Variants in DAB1 observed in about 807,000 individuals in gnomAD.
DAB1 encodes DAB adaptor protein 1.
In DAB1, 15 loss-of-function variants were observed where a neutral mutation model predicts 64.6. The observed-to-expected ratio is 0.23, with a 90% CI of 0.16 to 0.36. The LOEUF (loss-of-function observed/expected upper bound fraction) is 0.36. Ranked by LOEUF, DAB1 falls within the 10% of genes least tolerant of loss-of-function variation. The probability of loss-of-function intolerance (pLI) is 1.00; values close to 1 mark genes in which losing one functional copy is unlikely to be tolerated. For synonymous variants in DAB1, 235 were observed against 251.9 expected, an observed-to-expected ratio of 0.93 and a Z score of 0.64; for missense variants, 596 against 706.7, an observed-to-expected ratio of 0.84 and a Z score of 1.78.
upstream of DAB1, among the ~76,000 whole-genome samples, chr1:57,427,816 C>A (rs1178016281): frequency 6.6e-6 from 1 of 152,124 alleles, no homozygotes; most frequent in African/African-American, 2.4e-5. Context: ...AGCTAATTAG[C>A]ATATCCATAC....
In DAB1 at chr1:57,829,571, T is replaced by C. The variant is rs1652497371; in HGVS notation, n.88-3116A>G. ...TTTCCAGTTGATAGGATTCATTTAT[T>C]CATCCAAGAAACATTTATTGAGAGC... On this transcript the variant is annotated intron_variant and non_coding_transcript_variant, in intron 1 of 1. Coordinates refer to the DAB1 transcript ENST00000477280. Among the ~76,000 whole-genome samples the C allele has an allele frequency of 2.0e-5, 3 of 152,210 alleles. No individual in the cohort carries two copies. The South Asian group carries it at 6.2e-4, about 32-fold the overall frequency.
intron 3 of DAB1, among the ~76,000 whole-genome samples, chr1:58,456,916 C>T (rs986867372): frequency 6.6e-6 from 1 of 152,164 alleles, no homozygotes; most frequent in Admixed American, 6.5e-5. Flanking sequence ...CCCCGGAATT[C>T]ATTATCTCAT....
At chr1:57,912,293 A>G (rs1215217235) in intron 5 of DAB1, among the ~76,000 whole-genome samples, 1 of 152,148 alleles carries the variant, frequency 6.6e-6, no homozygotes, top group Non-Finnish European at 1.5e-5. Flanking sequence ...CTTTATCTCC[A>G]TTAAGCAAAA....
intron 3 of DAB1, among the ~76,000 whole-genome samples, chr1:58,491,752 C>A (rs921257301): frequency 1.8e-4 from 27 of 152,258 alleles, no homozygotes; most frequent in African/African-American, 6.3e-4. Context: ...CAGGAGCACC[C>A]AGATTCATAA....
chr1:57,898,433 T>C (rs2101991307), intron 5 of DAB1, among the ~76,000 whole-genome samples: 1 of 152,314 alleles, frequency 6.6e-6, no homozygotes, highest in South Asian at 2.1e-4. Flanking sequence ...ACATGCATCA[T>C]GCTAGTCAAC....
intron 3 of DAB1, among the ~76,000 whole-genome samples, chr1:58,432,670 A>G (rs942697587): frequency 6.6e-6 from 1 of 152,166 alleles, no homozygotes; most frequent in Admixed American, 6.5e-5. Flanking sequence ...CTCCCTAAAG[A>G]CCAGGACCAC....
intron 5 of DAB1, among the ~76,000 whole-genome samples, chr1:58,073,736 G>T (rs1202134390): frequency 6.6e-6 from 1 of 152,218 alleles, no homozygotes; most frequent in Non-Finnish European, 1.5e-5. Context: ...ACTGGCCCAA[G>T]TCAATGTGTC....
intron 1 of DAB1, among the ~76,000 whole-genome samples, chr1:57,306,036 G>C (rs1017458612): frequency 6.6e-6 from 1 of 151,622 alleles, no homozygotes; most frequent in Non-Finnish European, 1.5e-5. Context: ...TAGGCTTCAC[G>C]TTCTGTGCTA....
intron 1 of DAB1, among the ~76,000 whole-genome samples, chr1:57,398,694 G>C (rs1683009045): frequency 6.6e-6 from 1 of 152,080 alleles, no homozygotes; most frequent in Non-Finnish European, 1.5e-5. Flanking sequence ...TACAAGTCAG[G>C]GGCAAACTCT....
At chr1:58,054,829 G>A (rs1349042282) in intron 5 of DAB1, among the ~76,000 whole-genome samples, 1 of 152,180 alleles carries the variant, frequency 6.6e-6, no homozygotes, top group African/African-American at 2.4e-5. Flanking sequence ...TTTTAAAAAC[G>A]AGGCCTTGGA....
intron 4 of DAB1, among the ~76,000 whole-genome samples, chr1:57,091,668 A>G (rs1653693336): frequency 6.6e-6 from 1 of 152,230 alleles, no homozygotes; most frequent in Non-Finnish European, 1.5e-5. Flanking sequence ...GGGCCCTGCC[A>G]CTTACCAGCT....
intron 4 of DAB1, among the ~76,000 whole-genome samples, chr1:58,156,867 AAG>A (rs1302606545): frequency 6.6e-6 from 1 of 152,182 alleles, no homozygotes; most frequent in Non-Finnish European, 1.5e-5. Flanking sequence ...GTTGCAAGCT[AAG>A]AGAAGGAATT....
rs751379532 is a variant in DAB1, at chr1:57,010,705, G to T, written c.1658C>A (p.Ala553Asp). The T allele has an allele frequency of 1.9e-6, 3 of 1,578,646 alleles. No individual in the cohort carries two copies. Among genetic ancestry groups the T allele is most frequent in the African/African-American group, 2.7e-5 (2 of 73,678 alleles). The change falls in exon 14 of 15, where the codon GCC (alanine) becomes GAC (aspartate). Residue 553 changes from alanine (A) to aspartate (D), a missense_variant. Transcript: ENST00000371236. ...CCAGACCTGCGCTATCTAGCTACCG[G>T]CCTGTGGACTTATATTATCACCACT... ...EPSGDNISPQAGS is the reference protein window; with the variant it reads ...EPSGDNISPQDGS
At chr1:57,142,265 A>G (rs1190554710) in intron 3 of DAB1, among the ~76,000 whole-genome samples, 1 of 152,114 alleles carries the variant, frequency 6.6e-6, no homozygotes, top group African/African-American at 2.4e-5. Context: ...AGGAAACAGA[A>G]TTTTTTATTT....
chr1:58,407,167 T>C (rs1644624420), intron 3 of DAB1, among the ~76,000 whole-genome samples: 1 of 152,290 alleles, frequency 6.6e-6, no homozygotes, highest in Non-Finnish European at 1.5e-5. Context: ...ACTTTGTCTT[T>C]GTCTTCTCCC....
At chr1:58,097,520 CTTT>C (rs139672005) in intron 5 of DAB1, among the ~76,000 whole-genome samples, 1 of 148,824 alleles carries the variant, frequency 6.7e-6, no homozygotes, top group Admixed American at 6.7e-5. Flanking sequence ...TTCAGGAAGC[CTTT>C]TTTTTTTACC....
chr1:58,458,206 T>C (rs1645209509), intron 3 of DAB1, among the ~76,000 whole-genome samples: 1 of 152,196 alleles, frequency 6.6e-6, no homozygotes, highest in Non-Finnish European at 1.5e-5. Context: ...TTTCAAATGC[T>C]CAATAGCCAC....
At chr1:57,137,002 T>C (rs116041544) in intron 3 of DAB1, among the ~76,000 whole-genome samples, 3,222 of 152,232 alleles carry the variant, frequency 0.021, 98 homozygotes, top group African/African-American at 0.067. Context: ...ATGGTTTCAA[T>C]CTTTTAAATG....
At chr1:58,256,880 C>T (rs915736730) in intron 4 of DAB1, among the ~76,000 whole-genome samples, 1 of 152,196 alleles carries the variant, frequency 6.6e-6, no homozygotes, top group Non-Finnish European at 1.5e-5. Context: ...TTCTGAACTC[C>T]TATAAAAATT....
Sources: allele counts gnomAD v4.1 joint callset (sites outside exome capture counted in the v4.1 genomes callset), GRCh38; gene constraint gnomAD v4.1.1; transcripts MANE v1.5; gene names NCBI Gene and HGNC (gene_info 2026-07-23, HGNC 2026-07-21).